The following TRIM71 variants were observed in gnomAD, a reference collection of about 807,000 sequenced individuals.
TRIM71 encodes tripartite motif containing 71, also known as E3 ubiquitin-protein ligase TRIM71.
TRIM71 carries 9 observed loss-of-function variants against 61.2 expected under a neutral mutation model. The ratio of observed to expected loss-of-function variants is 0.15; its 90% CI spans 0.09 to 0.26. The LOEUF is 0.26. TRIM71 is among the 10% of genes least tolerant of loss of function. TRIM71 has a pLI of 1.00. For synonymous variants in TRIM71, 645 were observed against 553.2 expected (o/e 1.17, Z -2.33); for missense variants, 998 against 1,238.7 (o/e 0.81, Z 2.92).
At chr3:32,844,901 G>T (rs990856637) in intron 1 of TRIM71, among the ~76,000 whole-genome samples, 23 of 152,182 alleles carry the variant, frequency 1.5e-4, no homozygotes, top group Admixed American at 9.2e-4. Flanking sequence ...CAATTTTAAT[G>T]ACATTGGGAT....
At chr3:32,884,375 G>A (rs1472724594) in intron 2 of TRIM71, among the ~76,000 whole-genome samples, 1 of 152,206 alleles carries the variant, frequency 6.6e-6, no homozygotes, top group East Asian at 1.9e-4. Context: ...GGTAGATCGT[G>A]TATTGTATGA....
intron 2 of TRIM71, among the ~76,000 whole-genome samples, chr3:32,874,348 CT>C (rs1575356530): frequency 1.3e-4 from 19 of 149,392 alleles, no homozygotes; most frequent in Admixed American, 1.1e-3. Flanking sequence ...ACTACTACTA[CT>C]ACTACTACTA....
chr3:32,851,209 C>G (rs1395733422), intron 1 of TRIM71, among the ~76,000 whole-genome samples: 1 of 152,176 alleles, frequency 6.6e-6, no homozygotes, highest in East Asian at 1.9e-4. Flanking sequence ...CTCACTCTCA[C>G]TTTTTAGAAA....
chr3:32,887,514 C>T (rs944029767), intron 3 of TRIM71, among the ~76,000 whole-genome samples: 6 of 144,946 alleles, frequency 4.1e-5, no homozygotes, highest in Non-Finnish European at 8.9e-5. Flanking sequence ...TGTTCCTTCC[C>T]AGCAAATCCC....
At chr3:32,843,250 G>A (rs1283606974) in intron 1 of TRIM71, among the ~76,000 whole-genome samples, 1 of 152,186 alleles carries the variant, frequency 6.6e-6, no homozygotes, top group East Asian at 1.9e-4. Context: ...CTGCATGGTA[G>A]CAGGGGGTGG....
In TRIM71 at chr3:32,818,424, T is replaced by C. The variant is rs1261788522; in HGVS notation, c.344T>C (p.Leu115Pro). ...GMDALPSSAF[L>P]LSNLLDAVVA... ...GACGCGCTGCCTTCGTCCGCCTTCC[T>C]GCTTAGCAACCTGCTCGACGCGGTG... Residue 115 changes from leucine (L) to proline (P), a missense_variant, in exon 1 of 4, where the codon CTG (leucine) becomes CCG (proline). Around this residue, in one of 5 missense-constraint regions of TRIM71, gnomAD observed 527 missense variants for 427.8 expected, o/e 1.23. Coordinates refer to ENST00000383763, the MANE Select transcript of TRIM71 (RefSeq NM_001039111.3). 1.4e-6 allele frequency: 2 copies of C among 1,475,800 alleles called. No homozygotes were observed. The highest frequency in any genetic ancestry group is 1.3e-5 in the South Asian group (1 of 79,556). 91.4% of individuals were successfully genotyped at this position (1,475,800 alleles called of 1,614,324 possible).
In TRIM71 at chr3:32,891,817, T is replaced by C; in HGVS notation, c.*6T>C. 6.2e-7 allele frequency: 1 copy of C among 1,613,246 alleles called. No homozygotes were observed. The highest frequency in any genetic ancestry group is 1.6e-4 in the Middle Eastern group (1 of 6,062). The stretch of plus-strand genomic sequence containing the variant: ...ATCGAATCCTCGTCTTCTAATTGCA[T>C]TTCCTAGGTTTCTGTGTTTGGGGTG... On this transcript the variant is annotated 3_prime_UTR_variant, in exon 4 of 4. Transcript: ENST00000383763. The surrounding 1 kb of genome is among the most constrained non-coding windows in gnomAD (Gnocchi z 8.2).
Position 32,873,928 on chromosome 3 carries a change from A to T in TRIM71, c.963A>T (p.Ser321=). 5.6e-6 allele frequency: 9 copies of T among 1,613,872 alleles called. No homozygotes were observed. Among genetic ancestry groups the T allele is most frequent in the Non-Finnish European group, 6.8e-6 (8 of 1,179,908 alleles). Residue 321 remains serine, a synonymous_variant, in exon 2 of 4, where the codon TCA becomes TCT. Transcript: ENST00000383763. ...FIYLQEALQD[S]RALTIQLLAD... ...ACCTCCAGGAGGCACTGCAGGACTC[A>T]CGGGCACTCACCATCCAGCTGCTGG...
chr3:32,882,534 T>C (rs1388725244), intron 2 of TRIM71, among the ~76,000 whole-genome samples: 1 of 152,122 alleles, frequency 6.6e-6, no homozygotes, highest in East Asian at 1.9e-4. Flanking sequence ...ATATTACTTA[T>C]ATTATTATCA....
intron 1 of TRIM71, among the ~76,000 whole-genome samples, chr3:32,868,957 T>C (rs1696769199): frequency 6.6e-6 from 1 of 152,178 alleles, no homozygotes; most frequent in East Asian, 1.9e-4. Flanking sequence ...TGCTGAGGGT[T>C]TGGGCTGCAG....
At chr3:32,865,818 T>C (rs1696729374) in intron 1 of TRIM71, among the ~76,000 whole-genome samples, 1 of 4,280 alleles carries the variant, frequency 2.3e-4, no homozygotes, top group Non-Finnish European at 5.4e-4. Context: ...GCCCCACCTT[T>C]TTTTTTTTTT....
In TRIM71 at chr3:32,860,888, C is replaced by T. The variant is rs116553374; in HGVS notation, c.853-12930C>T. Among the ~76,000 whole-genome samples the T allele has an allele frequency of 8.6e-3, 1,313 of 152,140 alleles. 15 individuals carry two copies. The highest frequency in any genetic ancestry group is 0.03 in the African/African-American group (1,230 of 41,524). On this transcript the variant is annotated intron_variant, in intron 1 of 3. Transcript: ENST00000383763. ...TTGAAAAGGGTTTTTAAAAATAAAT[C>T]GTGGGGCTGGGCGCGGTGGCTCATG...
intron 1 of TRIM71, among the ~76,000 whole-genome samples, chr3:32,849,998 G>T (rs1265397067): frequency 6.6e-6 from 1 of 152,220 alleles, no homozygotes; most frequent in Admixed American, 6.5e-5. Flanking sequence ...TTCAAAGCAA[G>T]ATAGTCATCT....
At chr3:32,885,466 A>G (rs1696951131) in intron 2 of TRIM71, among the ~76,000 whole-genome samples, 1 of 152,260 alleles carries the variant, frequency 6.6e-6, no homozygotes, top group South Asian at 2.1e-4. Context: ...GTGCCTTGAC[A>G]AAAGCAGGAT....
chr3:32,818,765 C>T lies in TRIM71; in HGVS notation c.685C>T (p.Arg229Cys). Residue 229 changes from arginine (R) to cysteine (C), a missense_variant, in exon 1 of 4, where the codon CGC (arginine) becomes TGC (cysteine). By Grantham distance (180) the Arg-to-Cys change is radical. Coordinates refer to ENST00000383763, the MANE Select transcript of TRIM71 (RefSeq NM_001039111.3). ...CGACAACTGCGTCCGAGCGCACCAG[C>T]GCGTGCGCCTCACCAAGGACCACTA... ...LCDNCVRAHQ[R>C]VRLTKDHYIE... 1 of 1,606,564 alleles carries T rather than the reference C, an allele frequency of 6.2e-7. No homozygotes were observed. The highest frequency in any genetic ancestry group is 8.5e-7 in the Non-Finnish European group (1 of 1,178,378).
At chr3:32,860,298 A>G (rs947192409) in intron 1 of TRIM71, among the ~76,000 whole-genome samples, 1 of 151,834 alleles carries the variant, frequency 6.6e-6, no homozygotes, top group Non-Finnish European at 1.5e-5. Context: ...AGTTGGGATT[A>G]CAGGCGCCCA....
chr3:32,864,739 G>T (rs1320597906), intron 1 of TRIM71, among the ~76,000 whole-genome samples: 1 of 152,144 alleles, frequency 6.6e-6, no homozygotes, highest in Non-Finnish European at 1.5e-5. Context: ...GAAATGTCAG[G>T]CATAGCTACA....
At chr3:32,841,287 G>A (rs1372706486) in intron 1 of TRIM71, among the ~76,000 whole-genome samples, 2 of 151,986 alleles carry the variant, frequency 1.3e-5, no homozygotes, top group Non-Finnish European at 2.9e-5. Context: ...CAGGCACAGG[G>A]GAAATGTGTG....
At chr3:32,824,752 G>A (rs143157738) in intron 1 of TRIM71, among the ~76,000 whole-genome samples, 9 of 152,146 alleles carry the variant, frequency 5.9e-5, no homozygotes, top group African/African-American at 2.2e-4. Context: ...CCAAAATGCT[G>A]GGATTTCAGT....
Sources: gnomAD v4.1 joint callset for allele counts (sites outside exome capture counted in the v4.1 genomes callset) on GRCh38, gnomAD v4.1.1 for gene constraint, gnomAD v4.1.1 regional missense constraint, Gnocchi (gnomAD v3.1) non-coding constraint, MANE v1.5 for transcripts, NCBI Gene and HGNC (gene_info 2026-07-23, HGNC 2026-07-21) for gene names.